The following ANO6 variants were observed in gnomAD, a reference collection of about 807,000 sequenced individuals.
The protein encoded by ANO6 is anoctamin-6.
A neutral mutation model predicts 117.5 loss-of-function variants in ANO6; 106 were observed. The ratio of observed to expected loss-of-function variants is 0.90; its 90% confidence interval spans 0.77 to 1.06. ANO6 has a LOEUF of 1.06. ANO6 is among the 50% of genes least tolerant of loss of function. ANO6 has a pLI of 0.00. For synonymous variants in ANO6, 367 were observed against 385.1 expected (o/e 0.95, Z 0.55); for missense variants, 955 against 1,121.1 (o/e 0.85, Z 2.12).
intron 1 of ANO6, among the ~76,000 whole-genome samples, chr12:45,281,430 A>G (rs1290548049): frequency 6.6e-6 from 1 of 152,218 alleles, no homozygotes; most frequent in Non-Finnish European, 1.5e-5. Context: ...CAGGCTATAC[A>G]GGAAGTGCAC....
chr12:45,360,309 T>A (rs757481576), intron 8 of ANO6, among the ~76,000 whole-genome samples: 1 of 152,218 alleles, frequency 6.6e-6, no homozygotes, highest in Non-Finnish European at 1.5e-5. Context: ...TGGTGAGGGC[T>A]GCATCCTCTG....
intron 1 of ANO6, among the ~76,000 whole-genome samples, chr12:45,250,762 A>T (rs1340900187): frequency 9.2e-6 from 1 of 108,614 alleles, no homozygotes; most frequent in African/African-American, 4.5e-5. Context: ...CTGGTTACTT[A>T]AAAAAAAAAA....
In ANO6 at chr12:45,298,654, T is replaced by G. The variant is rs188991820; in HGVS notation, c.71-3360T>G. Among the ~76,000 whole-genome samples, 514 of 152,328 alleles carry G rather than the reference T, an allele frequency of 3.4e-3. 6 individuals carry two copies. Among genetic ancestry groups the G allele is most frequent in the African/African-American group, 0.011 (471 of 41,576 alleles). On this transcript the variant is annotated intron_variant, in intron 1 of 19. Transcript: ENST00000320560. ...TTTTTATTCACTCAGATTTACAGTT[T>G]TTTCTTTGTATTGACATTAACCAGT...
intron 1 of ANO6, among the ~76,000 whole-genome samples, chr12:45,291,071 G>A (rs1338489486): frequency 2.0e-5 from 3 of 152,156 alleles, no homozygotes; most frequent in Admixed American, 1.3e-4. Flanking sequence ...TGGTGCTGCA[G>A]CAACTGGATT....
At chr12:45,384,884 C>G (rs1379021626) in intron 10 of ANO6, among the ~76,000 whole-genome samples, 1 of 152,182 alleles carries the variant, frequency 6.6e-6, no homozygotes, top group Non-Finnish European at 1.5e-5. Context: ...GATAAAAACA[C>G]TATCTGTAAA....
intron 1 of ANO6, among the ~76,000 whole-genome samples, chr12:45,266,002 C>T (rs1306872109): frequency 2.6e-5 from 4 of 152,160 alleles, no homozygotes; most frequent in Admixed American, 6.5e-5. Flanking sequence ...AATCACTTCT[C>T]CTTAGCTTTT....
In ANO6 at chr12:45,332,310, TCACA is replaced by T. The variant is rs68029687; in HGVS notation, c.279+906_279+909del. On this transcript the variant is annotated intron_variant, in intron 3 of 19. Transcript: ENST00000320560. ...TCTCTCTGTTCTCTCTCTCTCTCTCTCACACACACACACACACACACAAAACTTT... is the reference window on the plus strand; with the variant it reads ...TCTCTCTGTTCTCTCTCTCTCTCTCTCACACACACACACACACAAAACTTT... Among the ~76,000 whole-genome samples, 330 of 63,426 alleles carry T rather than the reference TCACA, an allele frequency of 5.2e-3. 2 individuals carry two copies. The highest frequency in any genetic ancestry group is 0.013 in the African/African-American group (276 of 21,340). The allele number at this position is 63,426 out of a possible 152,430, so 41.6% of individuals were successfully genotyped here. A position where few individuals can be genotyped will look rare whatever the true frequency, so the allele number is the denominator to read the frequency against.
At chr12:45,230,863 AG>A (rs1242878139) in intron 1 of ANO6, among the ~76,000 whole-genome samples, 4 of 152,216 alleles carry the variant, frequency 2.6e-5, no homozygotes, top group African/African-American at 9.6e-5. Context: ...GAAAAATTTT[AG>A]GCTGGGTGCA....
At position 45,409,437 on chromosome 12, in the gene ANO6, A is replaced by G; in HGVS notation, c.1961A>G (p.His654Arg). The change falls in exon 16 of 20, where the codon CAT becomes CGT. Residue 654 changes from histidine to arginine, a missense_variant. Physicochemically the swap from His to Arg is conservative, Grantham distance 29. Transcript: ENST00000320560. ...ACCCCACGATGGGAACAGGACTACCATCTGCAGCCTATGGGCAAACTGGGA... is the reference window on the plus strand; with the variant it reads ...ACCCCACGATGGGAACAGGACTACCGTCTGCAGCCTATGGGCAAACTGGGA... ...KITPRWEQDY[H>R]LQPMGKLGLF... is the part of the protein sequence containing the mutation. The G allele has an allele frequency of 6.2e-7, 1 of 1,614,108 alleles. No homozygotes were observed. Among genetic ancestry groups the G allele is most frequent in the East Asian group, 2.2e-5 (1 of 44,870 alleles).
At chr12:45,378,957 T>G (rs1386607700) in intron 10 of ANO6, among the ~76,000 whole-genome samples, 1 of 152,234 alleles carries the variant, frequency 6.6e-6, no homozygotes, top group Non-Finnish European at 1.5e-5. Flanking sequence ...CCACTATATA[T>G]TATTTACTTT....
At chr12:45,380,798 C>A (rs1051310844) in intron 10 of ANO6, among the ~76,000 whole-genome samples, 1 of 152,070 alleles carries the variant, frequency 6.6e-6, no homozygotes, top group African/African-American at 2.4e-5. Flanking sequence ...CATGGTGAAA[C>A]CTCGCCTCTA....
chr12:45,278,869 G>A (rs573193002), intron 1 of ANO6, among the ~76,000 whole-genome samples: 1 of 152,274 alleles, frequency 6.6e-6, no homozygotes, highest in South Asian at 2.1e-4. Flanking sequence ...CTGTTTGGCT[G>A]TTTGTTTAGG....
chr12:45,241,912 A>G (rs1242360849), intron 1 of ANO6, among the ~76,000 whole-genome samples: 3 of 152,204 alleles, frequency 2.0e-5, no homozygotes, highest in African/African-American at 7.2e-5. Context: ...AGAACAGCAA[A>G]TGTTGCTGCC....
intron 1 of ANO6, among the ~76,000 whole-genome samples, chr12:45,246,230 A>G (rs947906633): frequency 1.3e-5 from 2 of 152,196 alleles, no homozygotes; most frequent in African/African-American, 4.8e-5. Flanking sequence ...TTTACCTTCT[A>G]TGATAAATAG....
chr12:45,379,333 T>C (rs1565734312), intron 10 of ANO6, among the ~76,000 whole-genome samples: 2 of 152,190 alleles, frequency 1.3e-5, no homozygotes, highest in Non-Finnish European at 2.9e-5. Context: ...TTAGAGATAT[T>C]TGTTGCCGCT....
rs890399298 is a variant in ANO6 at position 45,219,429 on chromosome 12, A to G, written c.70+3038A>G. Among the ~76,000 whole-genome samples, 11 of 151,738 alleles carry G rather than the reference A, an allele frequency of 7.2e-5. No individual in the cohort carries two copies. The East Asian group carries it at 2.1e-3, about 29-fold the overall frequency. ...CAGCTCACTGCAGCCTTGACTTCCC[A>G]GGCTCAAGCAATTCTCCAACCTTAG... On this transcript the variant is annotated intron_variant, in intron 1 of 19. Transcript: ENST00000320560.
chr12:45,242,862 A>T (rs1947767531), intron 1 of ANO6, among the ~76,000 whole-genome samples: 1 of 152,198 alleles, frequency 6.6e-6, no homozygotes. Flanking sequence ...AAAAAAGGTG[A>T]TCATGACTAC....
intron 1 of ANO6, among the ~76,000 whole-genome samples, chr12:45,269,204 C>T (rs1388592119): frequency 1.2e-4 from 19 of 152,194 alleles, no homozygotes; most frequent in Admixed American, 1.2e-3. Context: ...GAATTACTTT[C>T]ATTTCTGACT....
At chr12:45,260,058 A>G (rs535439758) in intron 1 of ANO6, among the ~76,000 whole-genome samples, 3 of 152,368 alleles carry the variant, frequency 2.0e-5, no homozygotes, top group Admixed American at 1.3e-4. Flanking sequence ...GTTCTAGAAC[A>G]TACTGCACTG....
Sources: gnomAD v4.1 joint callset for allele counts (sites outside exome capture counted in the v4.1 genomes callset) on GRCh38, gnomAD v4.1.1 for gene constraint, MANE v1.5 for transcripts, NCBI Gene and HGNC (gene_info 2026-07-23, HGNC 2026-07-21) for gene names.